Variants in PDE10A observed in about 807,000 individuals in gnomAD.
The protein encoded by PDE10A is cAMP and cAMP-inhibited cGMP 3',5'-cyclic phosphodiesterase 10A.
A neutral mutation model predicts 97.7 loss-of-function variants in PDE10A; 39 were observed. The ratio of observed to expected loss-of-function variants is 0.40; its 90% CI spans 0.31 to 0.52. The LOEUF (loss-of-function observed/expected upper bound fraction) is 0.52, where lower values mean the gene tolerates loss of function less well. Among genes scored for constraint, PDE10A ranks in the 20% least tolerant of loss-of-function variants. The pLI is 0.56. For synonymous variants in PDE10A, 371 were observed against 376.8 expected, an observed-to-expected ratio of 0.98 and a Z score of 0.18; for missense variants, 731 against 1,047.8, an observed-to-expected ratio of 0.70 and a Z score of 4.17.
chr6:165,517,873 T>C (rs1465039928), intron 2 of PDE10A, among the ~76,000 whole-genome samples: 3 of 152,164 alleles, frequency 2.0e-5, no homozygotes, highest in African/African-American at 7.2e-5. Context: ...TATATTCAGG[T>C]TGAGTTTTTA....
At chr6:165,823,489 T>C (rs1434562687) in intron 1 of PDE10A, among the ~76,000 whole-genome samples, 8 of 54,308 alleles carry the variant, frequency 1.5e-4, no homozygotes, top group African/African-American at 4.2e-4. Flanking sequence ...ACTTTATATA[T>C]ATATATATAT....
upstream of PDE10A, among the ~76,000 whole-genome samples, chr6:165,663,931 A>G (rs1185599898): frequency 7.2e-5 from 11 of 152,188 alleles, no homozygotes; most frequent in East Asian, 2.1e-3. Context: ...CAGAACTAGG[A>G]GCCGCCAGAA....
chr6:165,851,410 T>C lies in PDE10A; in HGVS notation c.-615+136119A>G, dbSNP rs1037123507. ...CTTAACATTCCCAGTTACCCATCTA[T>C]GTATATTTTACAACTGGGCATCCAT... On this transcript the variant is annotated intron_variant, in intron 1 of 19. Transcript: ENST00000366882. 1.3e-4 allele frequency among the ~76,000 whole-genome samples: 20 copies of C among 152,356 alleles called. No individual in the cohort carries two copies. The South Asian group carries it at 3.5e-3, about 27-fold the overall frequency.
At chr6:165,524,077 A>G (rs2128310119) in intron 2 of PDE10A, among the ~76,000 whole-genome samples, 1 of 152,304 alleles carries the variant, frequency 6.6e-6, no homozygotes, top group East Asian at 1.9e-4. Context: ...CCTGCCCTGC[A>G]ACATCAGACT....
chr6:165,371,649 C>G (rs568897142), intron 18 of PDE10A, among the ~76,000 whole-genome samples: 114 of 152,252 alleles, frequency 7.5e-4, no homozygotes, highest in Non-Finnish European at 1.3e-3. Context: ...TACCAGAGTA[C>G]AAGGAGGAAC....
chr6:165,652,984 T>C (rs570831476), intron 1 of PDE10A, among the ~76,000 whole-genome samples: 3 of 152,334 alleles, frequency 2.0e-5, no homozygotes, highest in Admixed American at 1.3e-4. Context: ...CTCGGGCATA[T>C]GGACACGCTG....
At chr6:165,907,999 T>A (rs1405472061) in intron 1 of PDE10A, among the ~76,000 whole-genome samples, 1 of 152,232 alleles carries the variant, frequency 6.6e-6, no homozygotes, top group East Asian at 1.9e-4. Context: ...GAGGGTGAAC[T>A]TTAAACAAGT....
chr6:165,698,695 C>T (rs1422791734), intron 1 of PDE10A, among the ~76,000 whole-genome samples: 1 of 151,944 alleles, frequency 6.6e-6, no homozygotes, highest in Non-Finnish European at 1.5e-5. Context: ...ACTAAAAATA[C>T]AAAAATTAGC....
At position 165,826,570 on chromosome 6, in the gene PDE10A, G is replaced by A. The variant is rs183178100; in HGVS notation, c.-615+160959C>T. Among the ~76,000 whole-genome samples the A allele has an allele frequency of 9.4e-5, 14 of 148,498 alleles. No homozygotes were observed. In the South Asian group the frequency reaches 1.3e-3, roughly 14 times the overall value. On this transcript the variant is annotated intron_variant, in intron 1 of 19. Coordinates refer to the PDE10A transcript ENST00000366882. ...CCGTCTCTCTCTCTCCCACGCTCCCGCCACGCCCCCAGGTATGTACCCACA... is the reference window on the plus strand; with the variant it reads ...CCGTCTCTCTCTCTCCCACGCTCCCACCACGCCCCCAGGTATGTACCCACA...
At chr6:165,609,606 A>T (rs1246010735) in intron 1 of PDE10A, among the ~76,000 whole-genome samples, 1 of 152,088 alleles carries the variant, frequency 6.6e-6, no homozygotes, top group Non-Finnish European at 1.5e-5. Context: ...TATCTAGAAA[A>T]CCCCACTGTC....
intron 1 of PDE10A, among the ~76,000 whole-genome samples, chr6:165,794,110 C>T (rs1778742269): frequency 2.1e-5 from 1 of 48,580 alleles, no homozygotes; most frequent in African/African-American, 6.6e-5. Flanking sequence ...TGGTTCTACG[C>T]AGGCATACAC....
At chr6:165,957,737 C>T (rs1784178623) in intron 1 of PDE10A, among the ~76,000 whole-genome samples, 1 of 152,134 alleles carries the variant, frequency 6.6e-6, no homozygotes, top group African/African-American at 2.4e-5. Flanking sequence ...AAGAAATAAC[C>T]CCCAGCCTCT....
Position 165,670,655 on chromosome 6 carries a change from G to A in PDE10A, c.-614-127087C>T, listed in dbSNP as rs186546070. ...ATGATATAATCACCTTAATTTAAAT[G>A]TGAATACTTCCTATAAATGCCTTTT... On this transcript the variant is annotated intron_variant, in intron 1 of 19. Transcript: ENST00000366882. 6.6e-5 allele frequency among the ~76,000 whole-genome samples: 10 copies of A among 152,290 alleles called. No homozygotes were observed. The East Asian group carries it at 1.7e-3, about 26-fold the overall frequency.
chr6:165,943,186 AGAAAGAAAGAAAG>A (rs1783599757), intron 1 of PDE10A, among the ~76,000 whole-genome samples: 1 of 50,558 alleles, frequency 2.0e-5, no homozygotes, highest in African/African-American at 1.2e-4. Context: ...AAAGAAAGAA[AGAAAGAAAGAAAG>A]AAAGAAAGAA....
intron 3 of PDE10A, among the ~76,000 whole-genome samples, chr6:165,464,665 C>T (rs2128263052): frequency 6.6e-6 from 1 of 152,292 alleles, no homozygotes; most frequent in South Asian, 2.1e-4. Flanking sequence ...TCTAATCAAT[C>T]CCTGTCCTCA....
Position 165,343,472 on chromosome 6 carries a change from G to A in PDE10A, c.2814C>T (p.Ala938=). 6.2e-7 allele frequency: 1 copy of A among 1,613,932 alleles called. No homozygotes were observed. Among genetic ancestry groups the A allele is most frequent in the South Asian group, 1.1e-5 (1 of 91,076 alleles). Residue 938 remains alanine, a synonymous_variant, in exon 19 of 22, where the codon GCC becomes GCT. Coordinates refer to ENST00000539869, the MANE Select transcript of PDE10A (RefSeq NM_001385079.1). Reference sequence around the variant, plus strand: ...GTTTTGTCACAGAACAAAGGTCACAGGCAGTCATCATCAAACCAATTACAC... The same window carrying A: ...GTTTTGTCACAGAACAAAGGTCACAAGCAGTCATCATCAAACCAATTACAC... ...RDRVIGLMMT[A]CDLCSVTKLW...
intron 1 of PDE10A, among the ~76,000 whole-genome samples, chr6:165,677,943 T>A (rs1790847111): frequency 6.6e-6 from 1 of 152,056 alleles, no homozygotes; most frequent in African/African-American, 2.4e-5. Flanking sequence ...TATTTGTATA[T>A]CCGTGTGTGT....
intron 1 of PDE10A, among the ~76,000 whole-genome samples, chr6:165,582,323 T>C (rs1340248739): frequency 6.6e-6 from 1 of 152,086 alleles, no homozygotes; most frequent in Non-Finnish European, 1.5e-5. Context: ...AAATCAAAAG[T>C]CACAACCAAT....
chr6:165,361,415 GA>G (rs1783416852), intron 18 of PDE10A, among the ~76,000 whole-genome samples: 1 of 152,164 alleles, frequency 6.6e-6, no homozygotes, highest in African/African-American at 2.4e-5. Context: ...AACATTTATG[GA>G]AATTTAAAAA....
Sources: gnomAD v4.1 joint callset for allele counts (sites outside exome capture counted in the v4.1 genomes callset) on GRCh38, gnomAD v4.1.1 for gene constraint, MANE v1.5 for transcripts, NCBI Gene and HGNC (gene_info 2026-07-23, HGNC 2026-07-21) for gene names.